The following KDM4C variants were observed in gnomAD, a reference collection of about 807,000 sequenced individuals.
KDM4C encodes lysine-specific demethylase 4C.
Under a neutral mutation model 129.3 loss-of-function variants are expected in KDM4C, and 81 were observed. The ratio of observed to expected loss-of-function variants is 0.63; its 90% CI spans 0.52 to 0.75. KDM4C has a LOEUF of 0.75. Among genes scored for constraint, KDM4C ranks in the 30% least tolerant of loss-of-function variants. The pLI is 0.00. For synonymous variants in KDM4C, 573 were observed against 456.1 expected (o/e 1.26, Z -3.26); for missense variants, 1,457 against 1,304.0 (o/e 1.12, Z -1.81).
chr9:6,858,770 C>A (rs556688518), intron 5 of KDM4C, among the ~76,000 whole-genome samples: 5 of 125,044 alleles, frequency 4.0e-5, no homozygotes, highest in Admixed American at 2.1e-4. Flanking sequence ...ATTTTGTCTC[C>A]CCCCCCGGCA....
intron 17 of KDM4C, among the ~76,000 whole-genome samples, chr9:7,093,183 G>T (rs1836002905): frequency 2.0e-5 from 3 of 152,066 alleles, no homozygotes; most frequent in Non-Finnish European, 4.4e-5. Context: ...TTACTCCTCT[G>T]TTGTGGCCAC....
chr9:6,789,053 T>G (rs1026353590), intron 1 of KDM4C, among the ~76,000 whole-genome samples: 1 of 151,676 alleles, frequency 6.6e-6, no homozygotes, highest in African/African-American at 2.4e-5. Flanking sequence ...TTTGTTTTTT[T>G]TTTTTTTTGA....
At chr9:7,055,586 A>G (rs980583283) in intron 17 of KDM4C, among the ~76,000 whole-genome samples, 9 of 152,240 alleles carry the variant, frequency 5.9e-5, no homozygotes, top group Non-Finnish European at 1.2e-4. Context: ...CCTGCAAGCC[A>G]AAGATTATAG....
chr9:6,756,641 C>G (rs1426646402), upstream of KDM4C, among the ~76,000 whole-genome samples: 3 of 152,158 alleles, frequency 2.0e-5, no homozygotes, highest in Non-Finnish European at 4.4e-5. Context: ...CTCTCGAACC[C>G]GTGAGGCGGA....
intron 1 of KDM4C, among the ~76,000 whole-genome samples, chr9:6,784,161 T>A (rs1824974390): frequency 6.6e-6 from 1 of 152,132 alleles, no homozygotes; most frequent in South Asian, 2.1e-4. Flanking sequence ...CCCATCACAA[T>A]GCAGTTGGTT....
In KDM4C at chr9:6,985,062, C is replaced by G. The variant is rs1215347768; in HGVS notation, c.1354+658C>G. Among the ~76,000 whole-genome samples the G allele has an allele frequency of 5.9e-5, 9 of 152,276 alleles. No homozygotes were observed. The South Asian group carries it at 1.7e-3, about 28-fold the overall frequency. ...TGTAAATCCTTCCTCATGGGATTCC[C>G]CCCTCCGCCAGAATCCGACTCCCTC... On this transcript the variant is annotated intron_variant, in intron 10 of 21. Transcript: ENST00000381309.
chr9:6,832,993 C>T (rs1402269551), intron 4 of KDM4C, among the ~76,000 whole-genome samples: 2 of 151,844 alleles, frequency 1.3e-5, no homozygotes, highest in Non-Finnish European at 2.9e-5. Context: ...GCCTCGGCCT[C>T]CCAAAGTGCT....
chr9:6,994,395 A>G (rs377043164), intron 12 of KDM4C, among the ~76,000 whole-genome samples: 2 of 151,938 alleles, frequency 1.3e-5, no homozygotes, highest in Non-Finnish European at 2.9e-5. Flanking sequence ...GAATGTTTCA[A>G]TCCCTTGTCA....
chr9:6,911,414 T>G (rs1405032230), intron 8 of KDM4C, among the ~76,000 whole-genome samples: 1 of 152,230 alleles, frequency 6.6e-6, no homozygotes, highest in Non-Finnish European at 1.5e-5. Context: ...TAATTGCATC[T>G]GATATTTGTA....
At position 7,174,809 on chromosome 9, in the gene KDM4C, T is replaced by C; in HGVS notation, c.*80T>C. 2.4e-6 allele frequency: 3 copies of C among 1,268,380 alleles called. No homozygotes were observed. Among genetic ancestry groups the C allele is most frequent in the Non-Finnish European group, 3.4e-6 (3 of 895,146 alleles). The allele number at this position is 1,268,380 out of a possible 1,614,324, so 78.6% of individuals were successfully genotyped here. On this transcript the variant is annotated 3_prime_UTR_variant, in exon 22 of 22. Coordinates refer to ENST00000381309, the MANE Select transcript of KDM4C (RefSeq NM_015061.6). ...AAGGGACATCCTTGGGGCTGTGCCG[T>C]GAGTTTTGCTGGCATAGGTGACAGG...
intron 12 of KDM4C, among the ~76,000 whole-genome samples, chr9:7,004,787 G>A (rs542918127): frequency 1.3e-5 from 2 of 152,286 alleles, no homozygotes; most frequent in East Asian, 3.9e-4. Context: ...GATTGGCTCT[G>A]TTCTAATCTG....
At chr9:6,889,155 C>G (rs1202953877) in intron 7 of KDM4C, among the ~76,000 whole-genome samples, 2 of 141,014 alleles carry the variant, frequency 1.4e-5, no homozygotes, top group Admixed American at 7.9e-5. Flanking sequence ...AAGCTTTTTG[C>G]TTGTGACTAA....
intron 17 of KDM4C, among the ~76,000 whole-genome samples, chr9:7,063,024 A>C (rs1831926642): frequency 6.6e-6 from 1 of 152,242 alleles, no homozygotes; most frequent in Non-Finnish European, 1.5e-5. Flanking sequence ...GTATAAATAC[A>C]CTTTAATTTC....
chr9:7,058,074 T>A (rs1831113734), intron 17 of KDM4C, among the ~76,000 whole-genome samples: 1 of 152,192 alleles, frequency 6.6e-6, no homozygotes, highest in South Asian at 2.1e-4. Context: ...TCTGGCTTTT[T>A]CTCCACCTTC....
intron 15 of KDM4C, among the ~76,000 whole-genome samples, chr9:7,024,787 T>C (rs1825518978): frequency 6.6e-6 from 1 of 152,222 alleles, no homozygotes; most frequent in African/African-American, 2.4e-5. Flanking sequence ...AGTGCTGCAA[T>C]AAACATACGT....
At chr9:6,723,462 T>C (rs66701058) in intron 1 of KDM4C, 13,151 of 152,050 alleles carry the variant, frequency 0.086, 747 homozygotes, top group Non-Finnish European at 0.12. Context: ...CTTATTGGTG[T>C]GGAACTGCTC....
At chr9:6,974,618 A>AGGCCTCTG (rs1277481126) in intron 8 of KDM4C, 1 of 152,178 alleles carries the variant, frequency 6.6e-6, no homozygotes, top group Admixed American at 6.5e-5. Context: ...TCGGCCTCTG[A>AGGCCTCTG]AAGTGCTGGG....
Position 7,046,929 on chromosome 9 carries a change from A to C in KDM4C, c.2315+12A>C, listed in dbSNP as rs200538499. ...ACGAAGAACAATAAGTAAGTAATACATTAATTGTGTTGAATTTCATTATTT... is the reference window on the plus strand; with the variant it reads ...ACGAAGAACAATAAGTAAGTAATACCTTAATTGTGTTGAATTTCATTATTT... On this transcript the variant is annotated intron_variant, in intron 16 of 21. Transcript: ENST00000381309. 18 of 1,531,134 alleles carry C rather than the reference A, an allele frequency of 1.2e-5. No homozygotes were observed. Among genetic ancestry groups the C allele is most frequent in the Admixed American group, 1.7e-5 (1 of 59,508 alleles). 94.8% of individuals were successfully genotyped at this position (1,531,134 alleles called of 1,614,324 possible). A position where few individuals can be genotyped will look rare whatever the true frequency, so the allele number is the denominator to read the frequency against.
chr9:6,924,865 T>C, intron 8 of KDM4C: 2 of 984,714 alleles, frequency 2.0e-6, no homozygotes, highest in Non-Finnish European at 2.4e-6. Flanking sequence ...TATATATTTT[T>C]TTCAATGAAT....
Sources: allele counts gnomAD v4.1 joint callset (sites outside exome capture counted in the v4.1 genomes callset), GRCh38; gene constraint gnomAD v4.1.1; transcripts MANE v1.5; gene names NCBI Gene and HGNC (gene_info 2026-07-23, HGNC 2026-07-21).